The following CSMD2 variants were observed in gnomAD, a reference collection of about 807,000 sequenced individuals.
CSMD2 encodes the protein CUB and Sushi multiple domains 2.
A neutral mutation model predicts 398.5 loss-of-function variants in CSMD2; 130 were observed. The observed-to-expected ratio is 0.33, with a 90% confidence interval of 0.28 to 0.38. The LOEUF (loss-of-function observed/expected upper bound fraction) is 0.38. Among genes scored for constraint, CSMD2 ranks in the 10% least tolerant of loss-of-function variants. The pLI is 1.00. For synonymous variants in CSMD2, 1,828 were observed against 1,908.5 expected (o/e 0.96, Z 1.10); for missense variants, 3,829 against 4,764.9 (o/e 0.80, Z 5.78).
chr1:34,077,482 G>C (rs1656555121), intron 2 of CSMD2, among the ~76,000 whole-genome samples: 1 of 116,140 alleles, frequency 8.6e-6, no homozygotes, highest in Non-Finnish European at 1.7e-5. Context: ...AAAAAAAGCA[G>C]TGAGGACACT....
At chr1:33,766,672 C>G (rs566376358) in intron 13 of CSMD2, among the ~76,000 whole-genome samples, 13 of 152,336 alleles carry the variant, frequency 8.5e-5, no homozygotes, top group Admixed American at 7.8e-4. Context: ...GAAATAGATT[C>G]AACTTACAGC....
intron 27 of CSMD2, among the ~76,000 whole-genome samples, 172 bp from the exon 28 acceptor site, chr1:33,652,633 G>A (rs1643822428): frequency 2.0e-5 from 3 of 152,160 alleles, no homozygotes; most frequent in Admixed American, 2.0e-4. Flanking sequence ...TTGGAGGGTG[G>A]GAATATTTCA....
chr1:33,854,300 T>C (rs992037820), intron 5 of CSMD2, among the ~76,000 whole-genome samples: 2 of 152,132 alleles, frequency 1.3e-5, no homozygotes, highest in Non-Finnish European at 2.9e-5. Context: ...GGAGAGTGCT[T>C]GACATAAAGA....
chr1:33,657,095 G>T (rs1643970053), intron 27 of CSMD2, among the ~76,000 whole-genome samples: 1 of 152,216 alleles, frequency 6.6e-6, no homozygotes, highest in Non-Finnish European at 1.5e-5. Context: ...GGATTTTTCA[G>T]GCCCCACCCT....
At chr1:33,716,766 T>G (rs951019647) in intron 19 of CSMD2, among the ~76,000 whole-genome samples, 5 of 152,196 alleles carry the variant, frequency 3.3e-5, no homozygotes, top group Non-Finnish European at 7.3e-5. Context: ...GTTCTCAAAA[T>G]TTAAAAGAGA....
rs148698276 is a variant in CSMD2, at chr1:33,725,255, C to T, written c.2695+94G>A. On this transcript the variant is annotated intron_variant, in intron 17 of 70. Transcript: ENST00000373381. ...AGCCAAGAACACCATGGGGATGGGG[C>T]CAAGCAGGGGCCTGTGGTGGAGCAC... is the stretch of plus-strand genomic sequence containing the variant. 40 of 1,062,970 alleles carry T rather than the reference C, an allele frequency of 3.8e-5. No individual in the cohort carries two copies. The African/African-American group carries it at 6.0e-4, about 16-fold the overall frequency. The allele number at this position is 1,062,970 out of a possible 1,614,324, so 65.8% of individuals were successfully genotyped here. A position where few individuals can be genotyped will look rare whatever the true frequency, so the allele number is the denominator to read the frequency against.
chr1:33,662,208 T>G (rs1232386438), intron 26 of CSMD2, among the ~76,000 whole-genome samples: 1 of 152,196 alleles, frequency 6.6e-6, no homozygotes, highest in African/African-American at 2.4e-5. Context: ...CCTAATTAAT[T>G]AAATTTAGAT....
At chr1:34,065,294 T>C (rs2618779) in intron 2 of CSMD2, among the ~76,000 whole-genome samples, 36,391 of 152,056 alleles carry the variant, frequency 0.24, 4,779 homozygotes, top group African/African-American at 0.31. Context: ...CTCTGCCTTT[T>C]TGCTCTCAAA....
rs146583969 is a variant in CSMD2 at position 34,059,718 on chromosome 1, G to GTGAATGAATGAA, written c.405-27024_405-27013dup. On this transcript the variant is annotated intron_variant, in intron 2 of 70. Transcript: ENST00000373381. ...CAGTAACTATGTGGGGAATGAATACGTGAATGAATGAATGAATGAATGAAC... is the reference window on the plus strand; with the variant it reads ...CAGTAACTATGTGGGGAATGAATACGTGAATGAATGAATGAATGAATGAATGAATGAATGAAC... Among the ~76,000 whole-genome samples, 1,491 of 151,432 alleles carry GTGAATGAATGAA rather than the reference G, an allele frequency of 9.8e-3. 9 individuals carry two copies. The highest frequency in any genetic ancestry group is 0.018 in the African/African-American group (760 of 41,118).
intron 26 of CSMD2, among the ~76,000 whole-genome samples, chr1:33,659,144 C>T (rs751367216): frequency 1.3e-5 from 2 of 152,202 alleles, no homozygotes; most frequent in Non-Finnish European, 1.5e-5. Flanking sequence ...GAATTTGCGA[C>T]GTCTTCGTGT....
At chr1:33,554,776 T>A (rs970553584) in intron 55 of CSMD2, among the ~76,000 whole-genome samples, 2 of 152,174 alleles carry the variant, frequency 1.3e-5, no homozygotes, top group African/African-American at 4.8e-5. Flanking sequence ...TGTTGAGACC[T>A]ACTGCTCAGA....
chr1:33,626,847 A>G (rs767410413), intron 32 of CSMD2, among the ~76,000 whole-genome samples: 10 of 152,234 alleles, frequency 6.6e-5, no homozygotes, highest in Non-Finnish European at 1.5e-4. Flanking sequence ...CATTTAATAA[A>G]GAAGGAAAGA....
intron 25 of CSMD2, among the ~76,000 whole-genome samples, chr1:33,678,741 C>T (rs914155957): frequency 1.2e-4 from 19 of 152,176 alleles, no homozygotes; most frequent in Non-Finnish European, 2.1e-4. Flanking sequence ...AAGTATCACG[C>T]TATCCAAAGA....
At chr1:33,553,805 T>C (rs1239804548) in intron 55 of CSMD2, among the ~76,000 whole-genome samples, 1 of 152,140 alleles carries the variant, frequency 6.6e-6, no homozygotes, top group East Asian at 1.9e-4. Flanking sequence ...GTCTTTATTG[T>C]AGGGGGCTGT....
intron 6 of CSMD2, among the ~76,000 whole-genome samples, chr1:33,842,596 T>C (rs1291082267): frequency 6.6e-6 from 1 of 152,164 alleles, no homozygotes; most frequent in Non-Finnish European, 1.5e-5. Flanking sequence ...ATTAGGCCTG[T>C]GGGCCTCTTG....
chr1:34,013,533 C>T (rs4653371), intron 3 of CSMD2, among the ~76,000 whole-genome samples: 32,110 of 152,022 alleles, frequency 0.21, 4,071 homozygotes, highest in East Asian at 0.58. Context: ...GGAAGCCCTT[C>T]GGGGCAGGGG....
In CSMD2 at chr1:33,608,513, T is replaced by G. The variant is rs190729206; in HGVS notation, c.6343+2528A>C. ...AAAATTCATATGCTGAAGACTTCAC[T>G]CCTTGTGAATATGACCTTATGGGAA... On this transcript the variant is annotated intron_variant, in intron 41 of 70. Coordinates refer to ENST00000373381, the MANE Select transcript of CSMD2 (RefSeq NM_001281956.2). Among the ~76,000 whole-genome samples, 4 of 152,312 alleles carry G rather than the reference T, an allele frequency of 2.6e-5. No individual in the cohort carries two copies. In the South Asian group the frequency reaches 8.3e-4, roughly 32 times the overall value.
chr1:33,828,150 C>T (rs913652991), intron 6 of CSMD2, among the ~76,000 whole-genome samples: 6 of 152,148 alleles, frequency 3.9e-5, no homozygotes, highest in African/African-American at 9.7e-5. Context: ...GCATTCAAAC[C>T]GTTTTTATAA....
chr1:34,091,795 T>C (rs555725927), intron 1 of CSMD2, among the ~76,000 whole-genome samples: 4 of 152,244 alleles, frequency 2.6e-5, no homozygotes, highest in East Asian at 1.9e-4. Flanking sequence ...AGAACAATAC[T>C]CTACATTGTA....
Sources: allele counts gnomAD v4.1 joint callset (sites outside exome capture counted in the v4.1 genomes callset), GRCh38; gene constraint gnomAD v4.1.1; transcripts MANE v1.5; gene names NCBI Gene and HGNC (gene_info 2026-07-23, HGNC 2026-07-21).